The following BPIFB3 variants were observed in gnomAD, a reference collection of about 807,000 sequenced individuals.
BPIFB3 encodes the protein BPI fold-containing family B member 3.
In BPIFB3, 49 loss-of-function variants were observed where a neutral mutation model predicts 53.1. The ratio of observed to expected loss-of-function variants is 0.92; its 90% confidence interval spans 0.73 to 1.17. The LOEUF is 1.17. Ranked by LOEUF, BPIFB3 falls within the 50% of genes most tolerant of loss-of-function variation. The pLI, the probability that BPIFB3 is intolerant of heterozygous loss-of-function variation, is 0.00. For synonymous variants in BPIFB3, 271 were observed against 269.6 expected (o/e 1.01, Z -0.05); for missense variants, 628 against 592.5 (o/e 1.06, Z -0.62).
chr20:33,058,894 C>G (rs149869179), intron 2 of BPIFB3, among the ~76,000 whole-genome samples: 2 of 152,032 alleles, frequency 1.3e-5, no homozygotes, highest in East Asian at 3.9e-4. Context: ...GAAGTGTGTT[C>G]CAGACAGAGG....
intron 1 of BPIFB3, among the ~76,000 whole-genome samples, chr20:33,056,212 G>T (rs937123226): frequency 2.0e-5 from 3 of 152,176 alleles, no homozygotes; most frequent in South Asian, 2.1e-4. Flanking sequence ...AACCCAATTT[G>T]CTGTGTGACT....
At chr20:33,073,031 T>C (rs989752244) in intron 14 of BPIFB3, among the ~76,000 whole-genome samples, 3 of 152,240 alleles carry the variant, frequency 2.0e-5, no homozygotes, top group African/African-American at 7.2e-5. Context: ...CACGGAGTTC[T>C]TTCCCATTGG....
rs768161229 is a variant in BPIFB3, at chr20:33,073,561, G to A, written c.1402-15G>A. 29 of 1,613,812 alleles carry A rather than the reference G, an allele frequency of 1.8e-5. No individual in the cohort carries two copies. In the Admixed American group the frequency reaches 2.0e-4, roughly 11 times the overall value. ...GAGACTCAGGGGTGTAACCAAGAGC[G>A]GTTGTTCCTTACAGAATGCTGTTGT... On this transcript the variant is annotated splice_polypyrimidine_tract_variant and intron_variant, in intron 14 of 14. Transcript: ENST00000375494.
upstream of BPIFB3, chr20:33,055,405 C>G: frequency 1.2e-6 from 2 of 1,612,550 alleles, no homozygotes; most frequent in Non-Finnish European, 1.7e-6. Flanking sequence ...CAGAGTTCCT[C>G]CTTCTGCTCC....
intron 9 of BPIFB3, 59 bp downstream of exon 10, chr20:33,066,936 G>C: frequency 6.4e-7 from 1 of 1,559,284 alleles, no homozygotes. Flanking sequence ...ACCATGAATG[G>C]AGTCCAGAAT....
intron 2 of BPIFB3, among the ~76,000 whole-genome samples, chr20:33,058,735 T>G (rs1980318587): frequency 1.3e-5 from 2 of 151,906 alleles, no homozygotes; most frequent in African/African-American, 4.8e-5. Flanking sequence ...AGGGCAGTGA[T>G]GGAGGCAGCC....
intron 5 of BPIFB3, among the ~76,000 whole-genome samples, chr20:33,062,293 C>T (rs1980491801): frequency 6.6e-6 from 1 of 152,218 alleles, no homozygotes; most frequent in Non-Finnish European, 1.5e-5. Flanking sequence ...AACATCCTGG[C>T]TTCTGCACTC....
intron 11 of BPIFB3, 91 bp from the exon 13 acceptor site, chr20:33,071,162 T>A (rs1980868416): frequency 1.0e-5 from 13 of 1,298,834 alleles, no homozygotes; most frequent in Non-Finnish European, 1.4e-5. Context: ...TCCTGTTTCC[T>A]GATGATGAGA....
intron 10 of BPIFB3, among the ~76,000 whole-genome samples, 183 bp from the exon 12 acceptor site, chr20:33,069,705 G>C (rs2146391534): frequency 6.6e-6 from 1 of 152,276 alleles, no homozygotes; most frequent in Admixed American, 6.5e-5. Flanking sequence ...TTAATACTGT[G>C]GTTCTCTGCT....
chr20:33,062,113 A>G (rs383753), intron 5 of BPIFB3, among the ~76,000 whole-genome samples: 148,944 of 152,312 alleles, frequency 0.98, 72,859 homozygotes, highest in East Asian at 1. Flanking sequence ...TATTAGTACC[A>G]ACTTTATGTT....
chr20:33,069,831 C>T (rs965732174), intron 10 of BPIFB3, 57 bp from the exon 12 acceptor site: 36 of 1,565,134 alleles, frequency 2.3e-5, no homozygotes, highest in Middle Eastern at 3.6e-4. Context: ...GAGGCAGACC[C>T]GTCCTCAAGC....
chr20:33,060,868 C>T (rs990154698), intron 4 of BPIFB3, among the ~76,000 whole-genome samples: 2 of 152,192 alleles, frequency 1.3e-5, no homozygotes, highest in African/African-American at 4.8e-5. Context: ...CCTGACCTCT[C>T]AATCATCACT....
intron 2 of BPIFB3, among the ~76,000 whole-genome samples, 198 bp downstream of exon 3, chr20:33,056,896 C>T (rs1980233549): frequency 6.6e-6 from 1 of 152,180 alleles, no homozygotes; most frequent in South Asian, 2.1e-4. Flanking sequence ...TTGAGGGTTC[C>T]AGCTCTGGGG....
At chr20:33,071,177 T>G in intron 11 of BPIFB3, 76 bp from the exon 13 acceptor site, 3 of 961,308 alleles carry the variant, frequency 3.1e-6, no homozygotes, top group African/African-American at 3.6e-5. Flanking sequence ...ATGAGAGCTA[T>G]GGTGGGGCAG....
At chr20:33,071,451 G>A (rs544507934) in intron 12 of BPIFB3, among the ~76,000 whole-genome samples, 156 bp downstream of exon 13, 1 of 152,218 alleles carries the variant, frequency 6.6e-6, no homozygotes, top group South Asian at 2.1e-4. Context: ...ATCAGGGCGG[G>A]TGTGCGTGAG....
At chr20:33,059,549 C>T in intron 3 of BPIFB3, 67 bp downstream of exon 4, 2 of 1,184,996 alleles carry the variant, frequency 1.7e-6, no homozygotes, top group Admixed American at 2.0e-5. Flanking sequence ...TTGGAGACTC[C>T]TACTCTGCTG....
chr20:33,058,537 T>TC (rs1980310969), intron 2 of BPIFB3, among the ~76,000 whole-genome samples: 2 of 152,098 alleles, frequency 1.3e-5, no homozygotes, highest in Non-Finnish European at 2.9e-5. Context: ...GCAGCTGAAA[T>TC]AGAGCCGGGC....
intron 11 of BPIFB3, 33 bp from the exon 13 acceptor site, chr20:33,071,209 GTTGGGGGTAGC>G: frequency 6.6e-7 from 1 of 1,507,512 alleles, no homozygotes; most frequent in Non-Finnish European, 8.9e-7. Flanking sequence ...GACAGGGGTG[GTTGGGGGTAGC>G]GGGGGCCCCA....
intron 4 of BPIFB3, among the ~76,000 whole-genome samples, chr20:33,060,854 C>T (rs1034436391): frequency 5.3e-5 from 8 of 152,182 alleles, no homozygotes; most frequent in Non-Finnish European, 1.0e-4. Flanking sequence ...TGTGAGCCAC[C>T]GTGCCTGACC....
Sources: allele counts gnomAD v4.1 joint callset (sites outside exome capture counted in the v4.1 genomes callset), GRCh38; gene constraint gnomAD v4.1.1; transcripts MANE v1.5; gene names NCBI Gene and HGNC (gene_info 2026-07-23, HGNC 2026-07-21).